MYO10: variants seen among roughly 807,000 people sequenced by gnomAD.
MYO10 encodes myosin X.
A neutral mutation model predicts 257.3 loss-of-function variants in MYO10; 133 were observed. The ratio of observed to expected loss-of-function variants is 0.52; its 90% CI spans 0.45 to 0.60. The LOEUF is 0.60. MYO10 is among the 20% of genes least tolerant of loss of function. The probability of loss-of-function intolerance (pLI) is 0.00; values close to 1 mark genes in which losing one functional copy is unlikely to be tolerated. For missense variants in MYO10, 2,399 were observed against 2,635.7 expected (o/e 0.91, Z 1.97); for synonymous variants, 1,104 against 1,028.6 (o/e 1.07, Z -1.40).
chr5:16,893,947 G>C (rs1299057749), intron 1 of MYO10, among the ~76,000 whole-genome samples: 2 of 152,154 alleles, frequency 1.3e-5, no homozygotes, highest in East Asian at 3.9e-4. Flanking sequence ...TGACAAGCCA[G>C]CCAGGCAGTG....
chr5:16,732,448 T>G (rs902685571), intron 19 of MYO10, among the ~76,000 whole-genome samples: 4 of 152,178 alleles, frequency 2.6e-5, no homozygotes, highest in African/African-American at 9.7e-5. Flanking sequence ...TAAACCTCCA[T>G]CTCACTCTAT....
intron 9 of MYO10, among the ~76,000 whole-genome samples, chr5:16,773,113 T>C (rs1490773525): frequency 6.6e-6 from 1 of 152,118 alleles, no homozygotes; most frequent in Non-Finnish European, 1.5e-5. Flanking sequence ...ATACCATAAA[T>C]TACTTGAAGG....
At chr5:16,762,320 T>C (rs1376646580) in intron 15 of MYO10, among the ~76,000 whole-genome samples, 1 of 152,174 alleles carries the variant, frequency 6.6e-6, no homozygotes, top group Non-Finnish European at 1.5e-5. Flanking sequence ...AGATTAACAA[T>C]TTTACGTTCT....
intron 1 of MYO10, among the ~76,000 whole-genome samples, chr5:16,918,539 G>A (rs1393429716): frequency 1.1e-5 from 1 of 89,560 alleles, no homozygotes; most frequent in South Asian, 3.7e-4. Context: ...TTTCGCTCTT[G>A]TTGCCCAGAC....
chr5:16,816,537 CTTT>C (rs372989287), intron 3 of MYO10, among the ~76,000 whole-genome samples: 3 of 140,402 alleles, frequency 2.1e-5, no homozygotes, highest in Non-Finnish European at 1.6e-5. Context: ...GCTGATTTTT[CTTT>C]TTTTTTTTTT....
At chr5:16,719,585 G>T (rs1579901558) in intron 19 of MYO10, among the ~76,000 whole-genome samples, 1 of 152,210 alleles carries the variant, frequency 6.6e-6, no homozygotes, top group Non-Finnish European at 1.5e-5. Flanking sequence ...TTTTTGGAGA[G>T]AATTTACTCA....
In MYO10 at chr5:16,711,258, A is replaced by G. The variant is rs777546482; in HGVS notation, c.1930-13T>C. ...ACTGGTCTGGCATCTAAACCATGCA[A>G]AAAAAAAAGATGGGATACCATTAGA... On this transcript the variant is annotated splice_polypyrimidine_tract_variant and intron_variant, in intron 19 of 40. Transcript: ENST00000513610. The G allele has an allele frequency of 8.1e-7, 1 of 1,231,218 alleles. No homozygotes were observed. The allele number at this position is 1,231,218 out of a possible 1,614,324, so 76.3% of individuals were successfully genotyped here.
intron 1 of MYO10, among the ~76,000 whole-genome samples, chr5:16,912,988 C>CA (rs5866219): frequency 0.013 from 1,844 of 138,592 alleles, 39 homozygotes; most frequent in African/African-American, 0.047. Context: ...TGTTTATTCC[C>CA]AAAAAAAAAA....
At chr5:16,774,057 C>A (rs1741139914) in intron 9 of MYO10, among the ~76,000 whole-genome samples, 1 of 152,188 alleles carries the variant, frequency 6.6e-6, no homozygotes, top group African/African-American at 2.4e-5. Context: ...ATCTCCACCC[C>A]TTTGACAAGA....
intron 1 of MYO10, among the ~76,000 whole-genome samples, chr5:16,882,295 G>T (rs529952885): frequency 2.6e-5 from 4 of 152,182 alleles, no homozygotes; most frequent in Non-Finnish European, 4.4e-5. Context: ...AAATGTTGGT[G>T]AGGATGTAGA....
At chr5:16,710,256 G>A (rs886668109) in intron 21 of MYO10, among the ~76,000 whole-genome samples, 1 of 152,158 alleles carries the variant, frequency 6.6e-6, no homozygotes, top group African/African-American at 2.4e-5. Flanking sequence ...GGGAATGAGA[G>A]TGGAAGCCAA....
intron 16 of MYO10, among the ~76,000 whole-genome samples, 157 bp from the exon 17 acceptor site, chr5:16,761,703 T>G (rs1039640192): frequency 6.6e-6 from 1 of 152,174 alleles, no homozygotes; most frequent in African/African-American, 2.4e-5. Context: ...CAGGCTGAAG[T>G]GCAGTGACGT....
chr5:16,686,111 C>T (rs764253349), intron 28 of MYO10, among the ~76,000 whole-genome samples: 2 of 151,944 alleles, frequency 1.3e-5, no homozygotes, highest in African/African-American at 2.4e-5. Context: ...AGACATTTGA[C>T]GATGATGAAT....
At chr5:16,772,507 A>C (rs763025908) in intron 9 of MYO10, among the ~76,000 whole-genome samples, 1 of 152,230 alleles carries the variant, frequency 6.6e-6, no homozygotes, top group African/African-American at 2.4e-5. Context: ...TTTTTGTAAA[A>C]AAGCAAAAAA....
intron 1 of MYO10, among the ~76,000 whole-genome samples, chr5:16,890,796 T>C (rs1192686583): frequency 6.6e-6 from 1 of 151,680 alleles, no homozygotes; most frequent in African/African-American, 2.4e-5. Flanking sequence ...GCCAAGATCA[T>C]GCCACTGCAT....
intron 19 of MYO10, among the ~76,000 whole-genome samples, chr5:16,721,550 G>C (rs1056950725): frequency 1.3e-5 from 2 of 152,284 alleles, no homozygotes; most frequent in Admixed American, 6.5e-5. Context: ...CTAGAGAAGA[G>C]GCAACCCCCG....
intron 19 of MYO10, among the ~76,000 whole-genome samples, chr5:16,717,905 T>C (rs1223227208): frequency 1.3e-5 from 2 of 152,208 alleles, no homozygotes; most frequent in Non-Finnish European, 2.9e-5. Context: ...CTTTCTGGTC[T>C]GGCCAAGGCT....
intron 1 of MYO10, among the ~76,000 whole-genome samples, chr5:16,934,296 G>A (rs2126811010): frequency 6.6e-6 from 1 of 152,380 alleles, no homozygotes; most frequent in African/African-American, 2.4e-5. Flanking sequence ...GGCTACAGGA[G>A]GAGTGAGATC....
intron 9 of MYO10, among the ~76,000 whole-genome samples, chr5:16,771,711 C>A (rs1403584039): frequency 6.6e-6 from 1 of 151,588 alleles, no homozygotes; most frequent in Non-Finnish European, 1.5e-5. Flanking sequence ...TCCTGAGTAG[C>A]TGGGACAACA....
Sources: gnomAD v4.1 joint callset for allele counts (sites outside exome capture counted in the v4.1 genomes callset) on GRCh38, gnomAD v4.1.1 for gene constraint, MANE v1.5 for transcripts, NCBI Gene and HGNC (gene_info 2026-07-23, HGNC 2026-07-21) for gene names.